The following PDE8A variants were observed in gnomAD, a reference collection of about 807,000 sequenced individuals.
PDE8A encodes high affinity cAMP-specific and IBMX-insensitive 3',5'-cyclic phosphodiesterase 8A.
A neutral mutation model predicts 105.0 loss-of-function variants in PDE8A; 59 were observed. The ratio of observed to expected loss-of-function variants is 0.56; its 90% CI spans 0.46 to 0.70. PDE8A has a LOEUF of 0.70. Ranked by LOEUF, PDE8A falls within the 30% of genes least tolerant of loss-of-function variation. The pLI is 0.00. For synonymous variants in PDE8A, 355 were observed against 371.9 expected, an observed-to-expected ratio of 0.95 and a Z score of 0.52; for missense variants, 1,014 against 1,045.9, an observed-to-expected ratio of 0.97 and a Z score of 0.42.
intron 16 of PDE8A, 84 bp downstream of exon 16, chr15:85,116,203 C>T (rs2082095091): frequency 1.4e-6 from 2 of 1,419,010 alleles, no homozygotes; most frequent in South Asian, 2.5e-5. Context: ...ATGGATTGTG[C>T]ACAAGCCTGG....
At chr15:85,034,267 T>TTTTTCTA (rs1173996082) in intron 1 of PDE8A, among the ~76,000 whole-genome samples, 1 of 152,220 alleles carries the variant, frequency 6.6e-6, no homozygotes, top group African/African-American at 2.4e-5. Context: ...AACAAATGCA[T>TTTTTCTA]TTTTCTATGT....
chr15:85,100,407 G>A (rs758859885), intron 11 of PDE8A: 6 of 587,906 alleles, frequency 1.0e-5, no homozygotes, highest in African/African-American at 3.7e-5. Flanking sequence ...GCCCTGGGGC[G>A]GGTCTCTGAG....
At chr15:84,980,975 G>A (rs1173731615), upstream of PDE8A, among the ~76,000 whole-genome samples, 1 of 152,204 alleles carries the variant, frequency 6.6e-6, no homozygotes. Context: ...GGACGCCCAG[G>A]CCCCACCCAC....
intron 8 of PDE8A, among the ~76,000 whole-genome samples, chr15:85,096,217 G>T (rs141974182): frequency 6.6e-6 from 1 of 152,200 alleles, no homozygotes; most frequent in South Asian, 2.1e-4. Flanking sequence ...ATTGGTCCCT[G>T]TAATTTTTTT....
At chr15:85,118,157 A>C (rs1348832910) in intron 17 of PDE8A, among the ~76,000 whole-genome samples, 2 of 152,166 alleles carry the variant, frequency 1.3e-5, no homozygotes, top group Non-Finnish European at 2.9e-5. Flanking sequence ...GAGCCAAGTA[A>C]CTGTTGGATA....
intron 1 of PDE8A, among the ~76,000 whole-genome samples, chr15:85,012,953 A>C (rs1013629949): frequency 1.1e-4 from 16 of 152,182 alleles, no homozygotes; most frequent in African/African-American, 3.9e-4. Flanking sequence ...ATTTTGGAGA[A>C]CCTGATCCAC....
At chr15:85,113,785 G>C in intron 13 of PDE8A, 88 bp from the exon 14 acceptor site, 1 of 1,024,016 alleles carries the variant, frequency 9.8e-7, no homozygotes, top group Non-Finnish European at 1.5e-6. Flanking sequence ...CTCCTGAGTA[G>C]CTGGAATTAC....
Position 85,116,049 on chromosome 15 carries a change from G to C in PDE8A, c.1465G>C (p.Ala489Pro), listed in dbSNP as rs374872492. 6.2e-7 allele frequency: 1 copy of C among 1,613,626 alleles called. No individual in the cohort carries two copies. The highest frequency in any genetic ancestry group is 1.3e-5 in the African/African-American group (1 of 74,904). The change falls in exon 16 of 22, where the codon GCT (alanine) becomes CCT (proline). Residue 489 changes from alanine (A) to proline (P), a missense_variant. Transcript: ENST00000394553. ...ISLDDVPPRI[A>P]RAMENEEYWD... ...CCTTGATGATGTCCCACCACGGATAGCTCGGGCCATGGAAAATGAGGAATA... is the reference window on the plus strand; with the variant it reads ...CCTTGATGATGTCCCACCACGGATACCTCGGGCCATGGAAAATGAGGAATA...
At chr15:85,064,890 T>G (rs1022143052) in intron 2 of PDE8A, among the ~76,000 whole-genome samples, 3 of 152,048 alleles carry the variant, frequency 2.0e-5, no homozygotes, top group Admixed American at 6.6e-5. Flanking sequence ...GAGAATCACC[T>G]GAGCCCGGGA....
intron 12 of PDE8A, among the ~76,000 whole-genome samples, chr15:85,110,641 A>T (rs1192452204): frequency 1.3e-5 from 2 of 152,202 alleles, no homozygotes; most frequent in Non-Finnish European, 2.9e-5. Flanking sequence ...CTTATTGCTC[A>T]GTAGTATTCC....
At chr15:85,026,493 C>T (rs931150588) in intron 1 of PDE8A, among the ~76,000 whole-genome samples, 5 of 152,126 alleles carry the variant, frequency 3.3e-5, no homozygotes, top group African/African-American at 1.2e-4. Context: ...AGAACAAGGA[C>T]ATTTGATAAC....
At chr15:85,117,977 TCAGG>T in intron 17 of PDE8A, 138 bp downstream of exon 17, 1 of 733,442 alleles carries the variant, frequency 1.4e-6, no homozygotes, top group Admixed American at 2.0e-5. Context: ...ATACGAGGAA[TCAGG>T]CAGGAGGCCA....
At chr15:84,989,768 A>T (rs748880126) in intron 1 of PDE8A, among the ~76,000 whole-genome samples, 9 of 152,236 alleles carry the variant, frequency 5.9e-5, no homozygotes, top group Non-Finnish European at 1.2e-4. Flanking sequence ...CCTTTCTCAA[A>T]GGCAAACTTG....
At chr15:85,137,645 C>G (rs917105611) in intron 21 of PDE8A, 152 bp from the exon 22 acceptor site, 2 of 590,138 alleles carry the variant, frequency 3.4e-6, no homozygotes, top group African/African-American at 3.7e-5. Context: ...TCAGCCACGG[C>G]TCGTTGAAGC....
chr15:85,066,677 G>A (rs1331558275), intron 2 of PDE8A, among the ~76,000 whole-genome samples: 3 of 149,882 alleles, frequency 2.0e-5, no homozygotes, highest in East Asian at 2.0e-4. Flanking sequence ...GGTGGCTCAC[G>A]CCTGTAATCC....
intron 7 of PDE8A, among the ~76,000 whole-genome samples, chr15:85,090,399 TATC>T (rs1445111797): frequency 1.3e-5 from 2 of 152,238 alleles, no homozygotes; most frequent in Non-Finnish European, 2.9e-5. Context: ...ATTATTGTTT[TATC>T]ATCATCATCA....
intron 1 of PDE8A, among the ~76,000 whole-genome samples, chr15:85,044,998 C>G (rs2080864949): frequency 6.6e-6 from 1 of 151,916 alleles, no homozygotes. Context: ...AACCTCATCT[C>G]TTGACCTTCT....
chr15:85,103,736 C>T (rs1665723903), intron 11 of PDE8A, among the ~76,000 whole-genome samples: 1 of 152,204 alleles, frequency 6.6e-6, no homozygotes, highest in African/African-American at 2.4e-5. Flanking sequence ...GCTTAGGGGG[C>T]CACTGCTGTC....
At position 85,137,462 on chromosome 15, in the gene PDE8A, C is replaced by CGG. The variant is rs1248338739; in HGVS notation, c.2384-329_2384-328dup. 9.8e-4 allele frequency among the ~76,000 whole-genome samples: 138 copies of CGG among 140,604 alleles called. 1 individual carries two copies. The highest frequency in any genetic ancestry group is 3.7e-3 in the African/African-American group (133 of 36,104). The allele number at this position is 140,604 out of a possible 152,430, so 92.2% of individuals were successfully genotyped here. On this transcript the variant is annotated intron_variant, in intron 21 of 21. Transcript: ENST00000394553. The stretch of plus-strand genomic sequence containing the variant: ...ACAAGGGCCAGGCCATCGGTTGGGG[C>CGG]GGGGGGGCAGGGGCACACTACATAC...
Sources: allele counts gnomAD v4.1 joint callset (sites outside exome capture counted in the v4.1 genomes callset), GRCh38; gene constraint gnomAD v4.1.1; transcripts MANE v1.5; gene names NCBI Gene and HGNC (gene_info 2026-07-23, HGNC 2026-07-21).